The following PRDM2 variants were observed in gnomAD, a reference collection of about 807,000 sequenced individuals.
PRDM2 encodes the protein PR/SET domain 2, also known as PR domain zinc finger protein 2.
Under a neutral mutation model 130.0 loss-of-function variants are expected in PRDM2, and 30 were observed. The ratio of observed to expected loss-of-function variants is 0.23; its 90% CI spans 0.17 to 0.31. The LOEUF (loss-of-function observed/expected upper bound fraction) is 0.31. Among genes scored for constraint, PRDM2 ranks in the 10% least tolerant of loss-of-function variants. PRDM2 has a pLI of 1.00. For missense variants in PRDM2, 2,011 were observed against 2,108.4 expected, an observed-to-expected ratio of 0.95 and a Z score of 0.90; for synonymous variants, 871 against 782.4, an observed-to-expected ratio of 1.11 and a Z score of -1.89.
intron 4 of PRDM2, among the ~76,000 whole-genome samples, chr1:13,734,482 C>T (rs1643207531): frequency 6.6e-6 from 1 of 152,042 alleles, no homozygotes; most frequent in Non-Finnish European, 1.5e-5. Flanking sequence ...CTATTTTATC[C>T]CATGTAACAA....
At chr1:13,782,909 G>A (rs369795284) in intron 8 of PRDM2, 78 bp downstream of exon 8, 29 of 1,511,228 alleles carry the variant, frequency 1.9e-5, no homozygotes, top group Non-Finnish European at 2.5e-5. Flanking sequence ...TTGGTTTCTT[G>A]TTGCTTTTTT....
chr1:13,780,203 A>G lies in PRDM2; in HGVS notation c.2408A>G (p.Tyr803Cys). ...ETVSPPCFDE[Y>C]KMSKEWTASS... The stretch of plus-strand genomic sequence containing the variant: ...GTGAGCCCTCCATGCTTTGATGAAT[A>G]TAAAATGTCTAAAGAGTGGACAGCT... Residue 803 changes from tyrosine (Y) to cysteine (C), a missense_variant, in exon 8 of 10, where the codon TAT (tyrosine) becomes TGT (cysteine). Coordinates refer to ENST00000311066, the MANE Select transcript of PRDM2 (RefSeq NM_001393986.1). 6.2e-7 allele frequency: 1 copy of G among 1,602,562 alleles called. No homozygotes were observed. The highest frequency in any genetic ancestry group is 8.5e-7 in the Non-Finnish European group (1 of 1,173,598).
At chr1:13,787,797 TAA>T in intron 8 of PRDM2, 1 of 980,764 alleles carries the variant, frequency 1.0e-6, no homozygotes, top group Non-Finnish European at 1.2e-6. Flanking sequence ...GAGAGTGCTA[TAA>T]AAGACTATTC....
chr1:13,770,060 C>T (rs950779637), intron 6 of PRDM2, among the ~76,000 whole-genome samples: 39 of 152,106 alleles, frequency 2.6e-4, no homozygotes, highest in African/African-American at 4.6e-4. Context: ...GCGGTTGAGG[C>T]GCCTTGGTAC....
chr1:13,815,113 A>G (rs555920596), intron 8 of PRDM2, among the ~76,000 whole-genome samples: 3 of 152,030 alleles, frequency 2.0e-5, no homozygotes, highest in African/African-American at 7.2e-5. Context: ...TTGTTTGTTT[A>G]TTTATTTATT....
At chr1:13,757,285 GT>G (rs1399180782) in intron 6 of PRDM2, among the ~76,000 whole-genome samples, 3 of 152,160 alleles carry the variant, frequency 2.0e-5, no homozygotes, top group Non-Finnish European at 2.9e-5. Flanking sequence ...TCTTTCAAGT[GT>G]TTTTTAAATG....
At chr1:13,811,009 C>T (rs1286839430) in intron 8 of PRDM2, among the ~76,000 whole-genome samples, 1 of 151,796 alleles carries the variant, frequency 6.6e-6, no homozygotes, top group African/African-American at 2.4e-5. Context: ...CATGGTGAAA[C>T]CCCGTCTCTA....
rs531252817 is a variant in PRDM2, at chr1:13,756,103, A to C, written c.511+6616A>C. 9.9e-4 allele frequency among the ~76,000 whole-genome samples: 150 copies of C among 150,958 alleles called. 1 individual carries two copies. The highest frequency in any genetic ancestry group is 3.5e-3 in the African/African-American group (145 of 41,236). On this transcript the variant is annotated intron_variant, in intron 6 of 9. Coordinates refer to ENST00000311066, the MANE Select transcript of PRDM2 (RefSeq NM_001393986.1). Reference sequence around the variant, plus strand: ...TGTCTCTTCTAAAAAAAAAAAAAAAATACAAAAAAATTAGCTGGGCGTGGT... The same window carrying C: ...TGTCTCTTCTAAAAAAAAAAAAAAACTACAAAAAAATTAGCTGGGCGTGGT...
chr1:13,740,543 G>T (rs1643407382), intron 4 of PRDM2, among the ~76,000 whole-genome samples: 1 of 152,162 alleles, frequency 6.6e-6, no homozygotes, highest in African/African-American at 2.4e-5. Context: ...TTAGATGTTG[G>T]TAGTTCAGTT....
At chr1:13,731,205 C>A (rs900837164) in intron 3 of PRDM2, 88 bp downstream of exon 3, 3 of 1,025,682 alleles carry the variant, frequency 2.9e-6, no homozygotes, top group Middle Eastern at 2.1e-4. Context: ...AGGTAGGGAG[C>A]GCACCATAAA....
At chr1:13,774,598 A>G (rs1644430380) in intron 7 of PRDM2, among the ~76,000 whole-genome samples, 1 of 152,204 alleles carries the variant, frequency 6.6e-6, no homozygotes, top group African/African-American at 2.4e-5. Flanking sequence ...GTAGAATTAG[A>G]AAACAGATTC....
chr1:13,787,976 T>TA, intron 8 of PRDM2: 4 of 985,300 alleles, frequency 4.1e-6, no homozygotes, highest in Non-Finnish European at 4.8e-6. Context: ...TCAGATGTAT[T>TA]AAAAAAAGAT....
In PRDM2 at chr1:13,778,773, T is replaced by C. The variant is rs888638469; in HGVS notation, c.978T>C (p.Thr326=). ...PEDLLEEPKT[T]SEETLEDCSE... is the part of the protein sequence containing the mutation. ...ATTTATTAGAGGAACCAAAAACAACTTCAGAAGAAACTCTTGAAGACTGCT... is the reference window on the plus strand; with the variant it reads ...ATTTATTAGAGGAACCAAAAACAACCTCAGAAGAAACTCTTGAAGACTGCT... Residue 326 remains threonine (T), a synonymous_variant, in exon 8 of 10, where the codon ACT becomes ACC. Transcript: ENST00000311066. The C allele has an allele frequency of 6.2e-7, 1 of 1,613,850 alleles. No individual in the cohort carries two copies. The highest frequency in any genetic ancestry group is 1.3e-5 in the African/African-American group (1 of 74,834).
intron 2 of PRDM2, among the ~76,000 whole-genome samples, chr1:13,719,200 G>A (rs994140739): frequency 6.6e-6 from 1 of 152,208 alleles, no homozygotes; most frequent in Admixed American, 6.5e-5. Context: ...CTGTGGAGGT[G>A]ATTGCTAGTA....
chr1:13,718,583 C>A (rs867612234), intron 2 of PRDM2, among the ~76,000 whole-genome samples: 2 of 152,156 alleles, frequency 1.3e-5, no homozygotes, highest in South Asian at 2.1e-4. Flanking sequence ...ATATTCTTTG[C>A]TTTCTTTCTC....
intron 1 of PRDM2, among the ~76,000 whole-genome samples, chr1:13,713,900 G>A (rs1186563168): frequency 1.3e-5 from 2 of 151,502 alleles, no homozygotes; most frequent in African/African-American, 4.9e-5. Flanking sequence ...ACGGAGTCTC[G>A]CTCTGTCGCC....
Position 13,731,027 on chromosome 1 carries a change from G to T in PRDM2, c.37G>T (p.Glu13Ter). The T allele has an allele frequency of 6.2e-7, 1 of 1,611,488 alleles. No individual in the cohort carries two copies. ...QNTTEPVAATETLAEVPEHVL... is the reference protein window; with the variant it reads ...QNTTEPVAAT Reference sequence around the variant, plus strand: ...CACTACTGAGCCTGTGGCGGCCACCGAGACCCTGGCTGAGGTACCCGAACA... The same window carrying T: ...CACTACTGAGCCTGTGGCGGCCACCTAGACCCTGGCTGAGGTACCCGAACA... The change falls in exon 3 of 10, where the codon GAG (glutamate) becomes TAG (stop). Residue 13 changes from glutamate (E) to a stop codon, truncating the protein, a stop_gained. Transcript: ENST00000311066. LOFTEE classifies it high-confidence loss of function.
At position 13,780,697 on chromosome 1, in the gene PRDM2, A is replaced by C. The variant is rs1644589625; in HGVS notation, c.2902A>C (p.Thr968Pro). The change falls in exon 8 of 10, where the codon ACA becomes CCA. Residue 968 changes from threonine (T) to proline (P), a missense_variant. Thr to Pro is a conservative substitution (Grantham distance 38). This residue lies in a region of PRDM2 where 1,288 missense variants were observed against 1,237.7 expected (regional missense o/e 1.04). Coordinates refer to ENST00000311066, the MANE Select transcript of PRDM2 (RefSeq NM_001393986.1). Reference protein sequence around the residue: ...SGQLPPLLIPTDPSSPPPCPP... With the variant: ...SGQLPPLLIPPDPSSPPPCPP... Reference sequence around the variant, plus strand: ...TCAGCTGCCTCCTCTCTTGATCCCCACAGATCCCTCTTCCCCTCCACCCTG... The same window carrying C: ...TCAGCTGCCTCCTCTCTTGATCCCCCCAGATCCCTCTTCCCCTCCACCCTG... The C allele has an allele frequency of 6.2e-7, 1 of 1,603,138 alleles. No homozygotes were observed. The highest frequency in any genetic ancestry group is 1.4e-5 in the African/African-American group (1 of 73,156).
At chr1:13,727,406 C>T (rs1642956973) in intron 2 of PRDM2, among the ~76,000 whole-genome samples, 5 of 152,308 alleles carry the variant, frequency 3.3e-5, no homozygotes, top group Admixed American at 2.0e-4. Flanking sequence ...AGGCATGAGC[C>T]ACCACGCCCA....
Sources: gnomAD v4.1 joint callset for allele counts (sites outside exome capture counted in the v4.1 genomes callset) on GRCh38, gnomAD v4.1.1 for gene constraint, gnomAD v4.1.1 regional missense constraint, MANE v1.5 for transcripts, NCBI Gene and HGNC (gene_info 2026-07-23, HGNC 2026-07-21) for gene names.